The following BOP1 variants were observed in gnomAD, a reference collection of about 807,000 sequenced individuals.
The protein encoded by BOP1 is BOP1 ribosomal biogenesis factor.
In BOP1, 54 loss-of-function variants were observed where a neutral mutation model predicts 82.9. That is an observed-to-expected ratio of 0.65 (90% CI 0.52 to 0.82). BOP1 has a LOEUF of 0.82. Ranked by LOEUF, BOP1 falls within the 40% of genes least tolerant of loss-of-function variation. BOP1 has a pLI of 0.00. For missense variants in BOP1, 1,170 were observed against 1,072.0 expected (o/e 1.09, Z -1.28); for synonymous variants, 566 against 451.1 (o/e 1.25, Z -3.23).
chr8:144,273,086 C>T lies in BOP1; in HGVS notation c.390+3138G>A, dbSNP rs906053171. On this transcript the variant is annotated intron_variant, in intron 3 of 15. Coordinates refer to ENST00000569669, the MANE Select transcript of BOP1 (RefSeq NM_015201.5). ...CCTCCACAAGCAGCGTGGGGAGGGC[C>T]GTTCGCTCGCCGGGAAACCTGAGCC... Among the ~76,000 whole-genome samples, 115 of 152,216 alleles carry T rather than the reference C, an allele frequency of 7.6e-4. 2 individuals carry two copies. Among genetic ancestry groups the T allele is most frequent in the African/African-American group, 2.6e-3 (107 of 41,552 alleles).
rs145422478 is a variant in BOP1, at chr8:144,290,151, G to C, written c.100-847C>G. 9.5e-3 allele frequency among the ~76,000 whole-genome samples: 1,444 copies of C among 152,196 alleles called. 38 individuals carry two copies. The highest frequency in any genetic ancestry group is 0.034 in the African/African-American group (1,392 of 41,530). On this transcript the variant is annotated intron_variant, in intron 1 of 15. Transcript: ENST00000569669. ...AGGCGGGTGGATCACCTGAGGTCAG[G>C]AGTTCAAGACCAGCCTGGCCAACAT...
rs116060043 is a variant in BOP1 at position 144,279,080 on chromosome 8, T to C, written c.310-2776A>G. ...GAGGCCCCAAGACCACCACGGGCCA[T>C]GACCACCAAGGGCCATGACCGTCAC... is the stretch of plus-strand genomic sequence containing the variant. On this transcript the variant is annotated intron_variant, in intron 2 of 15. Transcript: ENST00000569669. Among the ~76,000 whole-genome samples, 613 of 148,018 alleles carry C rather than the reference T, an allele frequency of 4.1e-3. 54 individuals are homozygous for C. Among genetic ancestry groups the C allele is most frequent in the African/African-American group, 0.015 (597 of 40,118 alleles).
intron 3 of BOP1, chr8:144,266,531 G>C (rs1265269184): frequency 4.0e-6 from 4 of 992,120 alleles, no homozygotes; most frequent in Middle Eastern, 5.1e-4. Flanking sequence ...CCTCGCCCCG[G>C]CCGGCCCGCG....
chr8:144,290,805 C>T (rs1195469700), intron 1 of BOP1, among the ~76,000 whole-genome samples: 6 of 152,188 alleles, frequency 3.9e-5, no homozygotes, highest in Non-Finnish European at 8.8e-5. Flanking sequence ...ATTTGATGAT[C>T]CCCACAACCA....
chr8:144,270,039 G>A (rs2130222855), intron 3 of BOP1, among the ~76,000 whole-genome samples: 1 of 152,342 alleles, frequency 6.6e-6, no homozygotes, highest in Admixed American at 6.5e-5. Flanking sequence ...GGGCCTAGTG[G>A]GGGTTGCAAA....
intron 2 of BOP1, among the ~76,000 whole-genome samples, chr8:144,282,269 G>A (rs879958315): frequency 8.5e-5 from 13 of 152,346 alleles, no homozygotes; most frequent in Admixed American, 3.9e-4. Flanking sequence ...AGCCCAGGGC[G>A]CCCCTCCAGT....
intron 3 of BOP1, among the ~76,000 whole-genome samples, chr8:144,273,239 C>T (rs1845520925): frequency 6.6e-6 from 1 of 152,220 alleles, no homozygotes; most frequent in Non-Finnish European, 1.5e-5. Context: ...TGGGAGAAGC[C>T]ATTAACGGCG....
rs1291991942 is a variant in BOP1, at chr8:144,263,064, C to T, written c.1683G>A (p.Val561=). 126 of 1,586,744 alleles carry T rather than the reference C, an allele frequency of 7.9e-5. No individual in the cohort carries two copies. The highest frequency in any genetic ancestry group is 1.0e-4 in the Non-Finnish European group (119 of 1,175,632). Residue 561 remains valine, a synonymous_variant, in exon 13 of 16, where the codon GTG becomes GTA. Transcript: ENST00000569669. ...VVLATQGHTQ[V]LIHQLSRRRS... ...GGCGACGGCTCAGCTGGTGAATCAG[C>T]ACCTGGGTGTGGCCTTGGGTGGCCA... is the stretch of plus-strand genomic sequence containing the variant.
intron 3 of BOP1, among the ~76,000 whole-genome samples, chr8:144,274,823 G>A (rs1450374282): frequency 2.6e-5 from 4 of 152,216 alleles, no homozygotes; most frequent in East Asian, 3.9e-4. Context: ...CCCGGCCTCC[G>A]CGCTCCGTTT....
chr8:144,290,338 CAAAAAA>C (rs11353637), intron 1 of BOP1, among the ~76,000 whole-genome samples: 1 of 126,116 alleles, frequency 7.9e-6, no homozygotes, highest in African/African-American at 3.0e-5. Context: ...GGCTCTGTCT[CAAAAAA>C]AAAAAAAAGA....
At chr8:144,286,052 A>G (rs1311540892) in intron 2 of BOP1, among the ~76,000 whole-genome samples, 1 of 152,204 alleles carries the variant, frequency 6.6e-6, no homozygotes, top group Non-Finnish European at 1.5e-5. Flanking sequence ...GGGCTGCACA[A>G]TGGGAAAGGA....
intron 3 of BOP1, among the ~76,000 whole-genome samples, chr8:144,271,472 C>T (rs951208067): frequency 1.3e-5 from 2 of 152,034 alleles, no homozygotes; most frequent in African/African-American, 2.4e-5. Context: ...GATTACAATG[C>T]GGGTAGTGTT....
intron 3 of BOP1, among the ~76,000 whole-genome samples, chr8:144,269,309 G>A (rs1460437965): frequency 5.9e-5 from 9 of 152,244 alleles, no homozygotes; most frequent in South Asian, 2.1e-4. Context: ...CCTAACTTCC[G>A]GCTGGGTGGA....
intron 3 of BOP1, chr8:144,267,199 G>T: frequency 6.7e-7 from 1 of 1,499,880 alleles, no homozygotes; most frequent in East Asian, 2.7e-5. Flanking sequence ...GGGCCGTGGG[G>T]CGCCGAGGGG....
chr8:144,291,061 C>G lies in BOP1; in HGVS notation c.99+211G>C, dbSNP rs1354792760. 6.6e-6 allele frequency among the ~76,000 whole-genome samples: 1 copy of G among 152,070 alleles called. No homozygotes were observed. Among genetic ancestry groups the G allele is most frequent in the Non-Finnish European group, 1.5e-5 (1 of 67,994 alleles). ...GGCGCCCCGTCCCCACTCCCCGCTCCCCCGTTTCTTTGCTTCCCGGACGCC... is the reference window on the plus strand; with the variant it reads ...GGCGCCCCGTCCCCACTCCCCGCTCGCCCGTTTCTTTGCTTCCCGGACGCC... On this transcript the variant is annotated intron_variant, in intron 1 of 15. Transcript: ENST00000569669. The surrounding 1 kb of genome is among the most constrained non-coding windows in gnomAD (Gnocchi z 4.1).
chr8:144,263,175 C>T, intron 12 of BOP1, 34 bp from the exon 13 acceptor site: 1 of 1,591,898 alleles, frequency 6.3e-7, no homozygotes, highest in Non-Finnish European at 8.5e-7. Context: ...AGTGGCTGAG[C>T]CGGGCCCCTC....
chr8:144,266,561 G>C, intron 3 of BOP1: 2 of 1,004,908 alleles, frequency 2.0e-6, no homozygotes, highest in Non-Finnish European at 2.4e-6. Flanking sequence ...GCGGCCGCAG[G>C]AGGCGGCATG....
At position 144,264,453 on chromosome 8, in the gene BOP1, G is replaced by A; in HGVS notation, c.766-16C>T. The A allele has an allele frequency of 6.2e-7, 1 of 1,605,854 alleles. No homozygotes were observed. Among genetic ancestry groups the A allele is most frequent in the South Asian group, 1.1e-5 (1 of 91,004 alleles). ...TGCGAGAGACCTGCATAGACAGCCG[G>A]GTCAGGACGGGCAGTGCGGGGCGGT... On this transcript the variant is annotated splice_polypyrimidine_tract_variant and intron_variant, in intron 6 of 15. Transcript: ENST00000569669.
In BOP1 at chr8:144,266,559, A is replaced by G. The variant is rs1845370958; in HGVS notation, c.391-1488T>C. The G allele has an allele frequency of 5.0e-6, 5 of 1,003,066 alleles. No homozygotes were observed. In the South Asian group the frequency reaches 1.8e-4, roughly 36 times the overall value. The allele number at this position is 1,003,066 out of a possible 1,614,324, so 62.1% of individuals were successfully genotyped here. The stretch of plus-strand genomic sequence containing the variant: ...GGCCCGCGAGGCCCGCGGCGGCCGC[A>G]GGAGGCGGCATGAGCAGCGCGCGAC... On this transcript the variant is annotated intron_variant, in intron 3 of 15. Transcript: ENST00000569669.
Sources: allele counts gnomAD v4.1 joint callset (sites outside exome capture counted in the v4.1 genomes callset), GRCh38; gene constraint gnomAD v4.1.1; non-coding constraint Gnocchi (gnomAD v3.1); transcripts MANE v1.5; gene names NCBI Gene and HGNC (gene_info 2026-07-23, HGNC 2026-07-21).